PTPRG: variants seen among roughly 807,000 people sequenced by gnomAD.
The protein encoded by PTPRG is protein tyrosine phosphatase receptor type G, also known as receptor-type tyrosine-protein phosphatase gamma.
PTPRG carries 102 observed loss-of-function variants against 165.3 expected under a neutral mutation model. The ratio of observed to expected loss-of-function variants is 0.62; its 90% confidence interval spans 0.53 to 0.73. PTPRG has a LOEUF of 0.73. Among genes scored for constraint, PTPRG ranks in the 30% least tolerant of loss-of-function variants. The pLI is 0.00. For synonymous variants in PTPRG, 675 were observed against 669.5 expected (o/e 1.01, Z -0.13); for missense variants, 1,866 against 1,861.4 (o/e 1.00, Z -0.05).
chr3:62,062,972 C>G (rs1461990125), intron 4 of PTPRG, among the ~76,000 whole-genome samples: 2 of 152,204 alleles, frequency 1.3e-5, no homozygotes, highest in Non-Finnish European at 2.9e-5. Flanking sequence ...GGCATTCTTA[C>G]TTGCCCTGTG....
At chr3:61,593,702 A>C (rs1231938048) in intron 1 of PTPRG, among the ~76,000 whole-genome samples, 7 of 74,728 alleles carry the variant, frequency 9.4e-5, no homozygotes, top group Non-Finnish European at 2.1e-4. Flanking sequence ...GGGGTCAGGA[A>C]AACTGGAAAA....
At chr3:61,615,738 C>A (rs762947347) in intron 1 of PTPRG, among the ~76,000 whole-genome samples, 2 of 152,188 alleles carry the variant, frequency 1.3e-5, no homozygotes, top group Non-Finnish European at 2.9e-5. Flanking sequence ...ATGCTCAGAT[C>A]TCTCCACATT....
intron 1 of PTPRG, among the ~76,000 whole-genome samples, chr3:61,564,111 TG>T: frequency 6.6e-6 from 1 of 152,206 alleles, no homozygotes. Flanking sequence ...GTGTAGGCCA[TG>T]GGGACATCTC....
Position 62,293,977 on chromosome 3 carries a change from A to G in PTPRG, c.*670A>G, listed in dbSNP as rs934416853. ...CAAAGTTATATTCACAGTTTTTTAA[A>G]AATGTGTCAAAATAAAGGATAACTC... On this transcript the variant is annotated 3_prime_UTR_variant, in exon 30 of 30. Transcript: ENST00000474889. The G allele has an allele frequency of 6.6e-6, 1 of 152,536 alleles. No homozygotes were observed. Among genetic ancestry groups the G allele is most frequent in the Non-Finnish European group, 1.5e-5 (1 of 68,004 alleles). 9.4% of individuals were successfully genotyped at this position (152,536 alleles called of 1,614,324 possible).
chr3:62,124,293 G>C lies in PTPRG; in HGVS notation c.616-8309G>C, dbSNP rs1000311691. 5 of 1,585,642 alleles carry C rather than the reference G, an allele frequency of 3.2e-6. No homozygotes were observed. The Admixed American group carries it at 6.7e-5, about 21-fold the overall frequency. On this transcript the variant is annotated intron_variant, in intron 5 of 29. Coordinates refer to ENST00000474889, the MANE Select transcript of PTPRG (RefSeq NM_002841.4). ...GACAGGATGCTGATGTCCGTGTTGAGGGTGGTCAGCGGCATCCTGGATGCC... is the reference window on the plus strand; with the variant it reads ...GACAGGATGCTGATGTCCGTGTTGACGGTGGTCAGCGGCATCCTGGATGCC...
intron 1 of PTPRG, among the ~76,000 whole-genome samples, chr3:61,667,916 T>A (rs1272265091): frequency 6.6e-6 from 1 of 152,158 alleles, no homozygotes; most frequent in Non-Finnish European, 1.5e-5. Flanking sequence ...TCTGGCCTAC[T>A]GCCTATTTTT....
intron 2 of PTPRG, among the ~76,000 whole-genome samples, chr3:61,948,918 T>C (rs1048222638): frequency 6.6e-4 from 101 of 152,258 alleles, no homozygotes; most frequent in Non-Finnish European, 9.1e-4. Flanking sequence ...ATTATCTTTG[T>C]CACAGTGGGA....
At chr3:61,689,705 C>T (rs2030041453) in intron 1 of PTPRG, among the ~76,000 whole-genome samples, 1 of 152,086 alleles carries the variant, frequency 6.6e-6, no homozygotes. Context: ...ATTTGGATTT[C>T]TAGTCTTTAT....
Position 62,277,688 on chromosome 3 carries a change from AGCACATCT to A in PTPRG, c.3765+12_3765+19del. 1 of 1,611,770 alleles carries A rather than the reference AGCACATCT, an allele frequency of 6.2e-7. No individual in the cohort carries two copies. On this transcript the variant is annotated intron_variant, in intron 26 of 29. Coordinates refer to ENST00000474889, the MANE Select transcript of PTPRG (RefSeq NM_002841.4). Reference sequence around the variant, plus strand: ...CAGACAACCAGAGCTTGGTAAGTAAAGCACATCTGCTATATATTAATGAGCCCATGAGG... The same window carrying A: ...CAGACAACCAGAGCTTGGTAAGTAAAGCTATATATTAATGAGCCCATGAGG...
At chr3:62,099,628 TATTA>T (rs1047008135) in intron 5 of PTPRG, among the ~76,000 whole-genome samples, 11 of 152,180 alleles carry the variant, frequency 7.2e-5, no homozygotes, top group African/African-American at 2.4e-4. Flanking sequence ...TGAGCCATGT[TATTA>T]ATTAATACTG....
At chr3:61,825,343 A>C (rs1260817409) in intron 2 of PTPRG, among the ~76,000 whole-genome samples, 1 of 152,188 alleles carries the variant, frequency 6.6e-6, no homozygotes, top group Non-Finnish European at 1.5e-5. Flanking sequence ...ACACAGATTA[A>C]ATAGACAAAC....
At chr3:61,702,286 G>C (rs1003120581) in intron 1 of PTPRG, among the ~76,000 whole-genome samples, 1 of 152,172 alleles carries the variant, frequency 6.6e-6, no homozygotes. Context: ...GCCATGAATA[G>C]TAGCCTGTGT....
chr3:61,794,326 CT>C (rs1222291945), intron 2 of PTPRG, among the ~76,000 whole-genome samples: 20 of 152,228 alleles, frequency 1.3e-4, no homozygotes, highest in African/African-American at 4.8e-4. Flanking sequence ...CTATTGCCAT[CT>C]GTTCATTTAA....
intron 5 of PTPRG, among the ~76,000 whole-genome samples, chr3:62,087,090 A>AT (rs766354980): frequency 1.2e-3 from 187 of 152,340 alleles, no homozygotes; most frequent in Non-Finnish European, 2.4e-3. Context: ...TGTTTTGGCC[A>AT]TTAGTTTTCA....
At chr3:62,069,631 A>T (rs1022739661) in intron 4 of PTPRG, among the ~76,000 whole-genome samples, 3 of 130,924 alleles carry the variant, frequency 2.3e-5, no homozygotes, top group Admixed American at 8.4e-5. Flanking sequence ...GAGCCATAGG[A>T]TCGATGTCTC....
At chr3:61,697,424 A>G (rs910652368) in intron 1 of PTPRG, among the ~76,000 whole-genome samples, 5 of 152,188 alleles carry the variant, frequency 3.3e-5, no homozygotes, top group African/African-American at 1.2e-4. Flanking sequence ...TGACTTAGAA[A>G]GCTTCTTACA....
At chr3:62,218,779 G>A (rs957991387) in intron 12 of PTPRG, 72 bp from the exon 13 acceptor site, 1 of 1,524,254 alleles carries the variant, frequency 6.6e-7, no homozygotes, top group Non-Finnish European at 8.9e-7. Context: ...AACTGGAACA[G>A]AACTCTGCAT....
chr3:61,830,871 G>A (rs1026927724), intron 2 of PTPRG, among the ~76,000 whole-genome samples: 4 of 152,222 alleles, frequency 2.6e-5, no homozygotes, highest in Non-Finnish European at 5.9e-5. Flanking sequence ...ACTGCGCCCT[G>A]CCGATGGATC....
chr3:61,801,107 T>C (rs1171190972), intron 2 of PTPRG, among the ~76,000 whole-genome samples: 1 of 152,166 alleles, frequency 6.6e-6, no homozygotes, highest in Admixed American at 6.6e-5. Context: ...TGTCACCAGC[T>C]GCTTCTGCAA....
Sources: allele counts gnomAD v4.1 joint callset (sites outside exome capture counted in the v4.1 genomes callset), GRCh38; gene constraint gnomAD v4.1.1; transcripts MANE v1.5; gene names NCBI Gene and HGNC (gene_info 2026-07-23, HGNC 2026-07-21).